The following ZNF385B variants were observed in gnomAD, a reference collection of about 807,000 sequenced individuals.
The protein encoded by ZNF385B is zinc finger protein 533.
A neutral mutation model predicts 39.2 loss-of-function variants in ZNF385B; 23 were observed. The ratio of observed to expected loss-of-function variants is 0.59; its 90% CI spans 0.42 to 0.83. The LOEUF (loss-of-function observed/expected upper bound fraction) is 0.83. Among genes scored for constraint, ZNF385B ranks in the 40% least tolerant of loss-of-function variants. The pLI, the probability that ZNF385B is intolerant of heterozygous loss-of-function variation, is 0.00. For missense variants in ZNF385B, 552 were observed against 598.9 expected, an observed-to-expected ratio of 0.92 and a Z score of 0.82; for synonymous variants, 205 against 222.6, an observed-to-expected ratio of 0.92 and a Z score of 0.70.
At chr2:179,686,985 T>C (rs1212159759) in intron 3 of ZNF385B, among the ~76,000 whole-genome samples, 3 of 146,414 alleles carry the variant, frequency 2.0e-5, no homozygotes, top group Non-Finnish European at 4.5e-5. Flanking sequence ...TTTCAAAATA[T>C]CTTCATATTT....
intron 3 of ZNF385B, among the ~76,000 whole-genome samples, chr2:179,629,818 T>C (rs931562810): frequency 5.3e-5 from 8 of 152,222 alleles, no homozygotes; most frequent in African/African-American, 1.9e-4. Flanking sequence ...GCCCAAATAC[T>C]GCGCTTTTCC....
At chr2:179,688,369 C>G (rs945146755) in intron 3 of ZNF385B, among the ~76,000 whole-genome samples, 2 of 151,972 alleles carry the variant, frequency 1.3e-5, no homozygotes, top group African/African-American at 4.8e-5. Flanking sequence ...AGCAGTAGTG[C>G]CCATCTGAAA....
intron 1 of ZNF385B, among the ~76,000 whole-genome samples, chr2:179,783,392 T>G (rs947829631): frequency 6.6e-6 from 1 of 152,000 alleles, no homozygotes. Flanking sequence ...GAAGACAACC[T>G]AGGCAATACC....
chr2:179,577,180 T>C (rs919885569), intron 3 of ZNF385B, among the ~76,000 whole-genome samples: 29 of 152,108 alleles, frequency 1.9e-4, no homozygotes, highest in Admixed American at 1.2e-3. Flanking sequence ...TAGAACCCTC[T>C]ATGAGAAAAT....
chr2:179,583,785 G>T, intron 3 of ZNF385B, among the ~76,000 whole-genome samples: 1 of 152,180 alleles, frequency 6.6e-6, no homozygotes, highest in East Asian at 1.9e-4. Flanking sequence ...CATAGTTTCA[G>T]TCTTCCTACT....
intron 1 of ZNF385B, among the ~76,000 whole-genome samples, chr2:179,792,859 T>C (rs944233071): frequency 6.6e-6 from 1 of 152,210 alleles, no homozygotes; most frequent in African/African-American, 2.4e-5. Flanking sequence ...CATGAGTACA[T>C]ATCCTGGAGA....
Position 179,633,347 on chromosome 2 carries a change from T to G in ZNF385B, c.299-88378A>C, listed in dbSNP as rs923930854. Among the ~76,000 whole-genome samples, 6 of 152,082 alleles carry G rather than the reference T, an allele frequency of 3.9e-5. 1 individual carries two copies. Among genetic ancestry groups the G allele is most frequent in the Non-Finnish European group, 7.4e-5 (5 of 68,006 alleles). On this transcript the variant is annotated intron_variant, in intron 3 of 9. Transcript: ENST00000410066. The stretch of plus-strand genomic sequence containing the variant: ...GAATCCAGCAGCACATCAAAAAGCT[T>G]ATCCACCACGATCAAGTCAGCTTCA...
At chr2:179,669,238 G>T (rs1265997831) in intron 3 of ZNF385B, among the ~76,000 whole-genome samples, 1 of 152,140 alleles carries the variant, frequency 6.6e-6, no homozygotes, top group Non-Finnish European at 1.5e-5. Flanking sequence ...TGAGGAGTGG[G>T]GATTTGAAAG....
rs1379193923 is a variant in ZNF385B, at chr2:179,576,135, G to A, written c.299-31166C>T. Reference sequence around the variant, plus strand: ...TCTTACATGTGTAACCCTCCAAAACGTCTCAAATCCATCCCTGTGACTGAC... The same window carrying A: ...TCTTACATGTGTAACCCTCCAAAACATCTCAAATCCATCCCTGTGACTGAC... On this transcript the variant is annotated intron_variant, in intron 3 of 9. Coordinates refer to ENST00000410066, the MANE Select transcript of ZNF385B (RefSeq NM_152520.6). The A allele has an allele frequency of 1.5e-5, 15 of 985,220 alleles. No individual in the cohort carries two copies. In the South Asian group the frequency reaches 2.8e-4, roughly 19 times the overall value. 61.0% of individuals were successfully genotyped at this position (985,220 alleles called of 1,614,324 possible).
rs2058253159 is a variant in ZNF385B at position 179,518,533 on chromosome 2, A to C, written c.547T>G (p.Ser183Ala). The change falls in exon 5 of 10, where the codon TCA becomes GCA. Residue 183 changes from serine (S) to alanine (A), a missense_variant. Ser to Ala is a moderately conservative substitution (Grantham distance 99). Coordinates refer to ENST00000410066, the MANE Select transcript of ZNF385B (RefSeq NM_152520.6). ...SCNVCQLRFN[S>A]DSQAEAHYKG... ...AATGAAAAGGTGATACTCACATCTG[A>C]GTTAAAGCGAAGCTGACAGACATTA... 6.3e-7 allele frequency: 1 copy of C among 1,598,180 alleles called. No homozygotes were observed. The highest frequency in any genetic ancestry group is 1.4e-5 in the African/African-American group (1 of 73,964).
chr2:179,485,043 A>G (rs1294066912), intron 5 of ZNF385B, among the ~76,000 whole-genome samples: 1 of 152,176 alleles, frequency 6.6e-6, no homozygotes, highest in Non-Finnish European at 1.5e-5. Context: ...CTGAGGTGAG[A>G]TTCTCAAGCA....
intron 4 of ZNF385B, among the ~76,000 whole-genome samples, chr2:179,530,963 C>T (rs1390106527): frequency 2.6e-5 from 4 of 152,012 alleles, no homozygotes; most frequent in South Asian, 2.1e-4. Context: ...AAATTGTTTT[C>T]GTTTAAGCCC....
At chr2:179,740,246 A>G (rs911349933) in intron 3 of ZNF385B, among the ~76,000 whole-genome samples, 1 of 152,170 alleles carries the variant, frequency 6.6e-6, no homozygotes. Flanking sequence ...GAATCAGAGA[A>G]ACAGAAAACT....
At chr2:179,581,736 AC>A (rs1394676944) in intron 3 of ZNF385B, among the ~76,000 whole-genome samples, 1 of 152,182 alleles carries the variant, frequency 6.6e-6, no homozygotes, top group Non-Finnish European at 1.5e-5. Flanking sequence ...GCTAGCTGGG[AC>A]CACATGACTG....
intron 4 of ZNF385B, among the ~76,000 whole-genome samples, chr2:179,521,353 G>GTTTTT (rs56392185): frequency 0.28 from 30,136 of 107,552 alleles, 4,532 homozygotes; most frequent in East Asian, 0.33. Flanking sequence ...CACCTGGCCA[G>GTTTTT]TTTTTTTTTT....
At chr2:179,525,401 C>T (rs1183592452) in intron 4 of ZNF385B, among the ~76,000 whole-genome samples, 1 of 152,170 alleles carries the variant, frequency 6.6e-6, no homozygotes, top group African/African-American at 2.4e-5. Flanking sequence ...AAAATTTGGG[C>T]TGTCCTGTCC....
intron 6 of ZNF385B, among the ~76,000 whole-genome samples, chr2:179,469,197 G>A (rs1482163926): frequency 1.3e-5 from 2 of 152,106 alleles, no homozygotes; most frequent in Non-Finnish European, 2.9e-5. Context: ...AGGCAGTGTT[G>A]TCCCATCTTT....
intron 1 of ZNF385B, among the ~76,000 whole-genome samples, chr2:179,792,375 C>CTTTTTTTTTTTTTTTTTTTTTTTTTTTT (rs374147864): frequency 8.1e-6 from 1 of 124,126 alleles, no homozygotes; most frequent in African/African-American, 3.1e-5. Flanking sequence ...ATTTTCTTTT[C>CTTTTTTTTTTTTTTTTTTTTTTTTTTTT]TTTTTTTTTT....
intron 1 of ZNF385B, among the ~76,000 whole-genome samples, chr2:179,777,290 A>G (rs766588769): frequency 6.6e-5 from 10 of 152,190 alleles, no homozygotes; most frequent in Admixed American, 3.3e-4. Flanking sequence ...TGCTTATGAC[A>G]TTGAGACTCT....
Sources: gnomAD v4.1 joint callset for allele counts (sites outside exome capture counted in the v4.1 genomes callset) on GRCh38, gnomAD v4.1.1 for gene constraint, MANE v1.5 for transcripts, NCBI Gene and HGNC (gene_info 2026-07-23, HGNC 2026-07-21) for gene names.